RCHY1: variants seen among roughly 807,000 people sequenced by gnomAD.
RCHY1 encodes the protein ring finger and CHY zinc finger domain containing 1.
A neutral mutation model predicts 41.6 loss-of-function variants in RCHY1; 21 were observed. The observed-to-expected ratio is 0.51, with a 90% CI of 0.36 to 0.73. The LOEUF (loss-of-function observed/expected upper bound fraction) is 0.73. Among genes scored for constraint, RCHY1 ranks in the 30% least tolerant of loss-of-function variants. The pLI is 0.00. For synonymous variants in RCHY1, 79 were observed against 102.9 expected, an observed-to-expected ratio of 0.77 and a Z score of 1.41; for missense variants, 265 against 325.3, an observed-to-expected ratio of 0.81 and a Z score of 1.43.
intron 8 of RCHY1, among the ~76,000 whole-genome samples, chr4:75,489,361 G>T (rs978172027): frequency 3.3e-5 from 5 of 152,110 alleles, no homozygotes; most frequent in Non-Finnish European, 1.5e-5. Flanking sequence ...ATGCAAGAGG[G>T]TTAACTCTAT....
intron 4 of RCHY1, among the ~76,000 whole-genome samples, 199 bp downstream of exon 4, chr4:75,493,902 A>G (rs1189314280): frequency 6.6e-6 from 1 of 151,832 alleles, no homozygotes; most frequent in Non-Finnish European, 1.5e-5. Context: ...TACACTACAG[A>G]GAAGAAAAGG....
At chr4:75,491,523 T>C in intron 7 of RCHY1, 88 bp downstream of exon 7, 4 of 1,186,938 alleles carry the variant, frequency 3.4e-6, no homozygotes, top group East Asian at 2.4e-5. Flanking sequence ...CAATATAGTA[T>C]AAGTAACAAT....
intron 8 of RCHY1, among the ~76,000 whole-genome samples, chr4:75,490,201 C>G (rs1722620697): frequency 6.6e-6 from 1 of 151,980 alleles, no homozygotes; most frequent in Non-Finnish European, 1.5e-5. Flanking sequence ...CAAAAATCAG[C>G]AAATATGTTC....
At chr4:75,514,523 A>G (rs780776121), upstream of RCHY1, 98 of 499,408 alleles carry the variant, frequency 2.0e-4, no homozygotes, top group Non-Finnish European at 3.3e-4. Context: ...TGCTAACGGT[A>G]ATAACTCTTA....
chr4:75,505,739 A>G (rs1487919141), intron 3 of RCHY1, among the ~76,000 whole-genome samples: 1 of 152,214 alleles, frequency 6.6e-6, no homozygotes, highest in Admixed American at 6.5e-5. Context: ...TGAGAACTAG[A>G]AAAACTCAAT....
intron 8 of RCHY1, among the ~76,000 whole-genome samples, chr4:75,487,069 A>G (rs1722080524): frequency 6.6e-6 from 1 of 152,182 alleles, no homozygotes; most frequent in Non-Finnish European, 1.5e-5. Flanking sequence ...AGAACGTTCA[A>G]AAGAAAGAAT....
At chr4:75,502,670 G>A (rs1723896977) in intron 3 of RCHY1, among the ~76,000 whole-genome samples, 1 of 152,046 alleles carries the variant, frequency 6.6e-6, no homozygotes, top group South Asian at 2.1e-4. Context: ...ATACATTATG[G>A]AATCTTAATC....
At chr4:75,506,527 A>G (rs937982040) in intron 3 of RCHY1, among the ~76,000 whole-genome samples, 3 of 152,112 alleles carry the variant, frequency 2.0e-5, no homozygotes, top group East Asian at 3.8e-4. Context: ...AAATAAATAG[A>G]TAACTTGGTA....
chr4:75,483,483 TG>T, intron 8 of RCHY1, among the ~76,000 whole-genome samples: 1 of 152,260 alleles, frequency 6.6e-6, no homozygotes, highest in Non-Finnish European at 1.5e-5. Context: ...GTTTCCTTTT[TG>T]GGATGATAAA....
intron 8 of RCHY1, among the ~76,000 whole-genome samples, chr4:75,487,892 C>CAT (rs1722385988): frequency 1.4e-5 from 1 of 73,082 alleles, no homozygotes; most frequent in South Asian, 4.0e-4. Context: ...TATATATATT[C>CAT]ATATATATAT....
intron 3 of RCHY1, among the ~76,000 whole-genome samples, chr4:75,497,068 G>A (rs934827380): frequency 9.9e-5 from 15 of 152,074 alleles, no homozygotes; most frequent in African/African-American, 3.6e-4. Flanking sequence ...ATACACTGAT[G>A]AAACTAATGG....
chr4:75,500,916 G>C (rs1257312815), intron 3 of RCHY1, among the ~76,000 whole-genome samples: 1 of 152,020 alleles, frequency 6.6e-6, no homozygotes, highest in Non-Finnish European at 1.5e-5. Flanking sequence ...CAAATAACAT[G>C]ATTTTTTAAA....
chr4:75,506,423 G>A (rs74707283), intron 3 of RCHY1, among the ~76,000 whole-genome samples: 2 of 151,838 alleles, frequency 1.3e-5, no homozygotes, highest in Non-Finnish European at 2.9e-5. Flanking sequence ...TAAATCATCT[G>A]TGATCAATAC....
Position 75,509,242 on chromosome 4 carries a change from C to T in RCHY1, c.145G>A (p.Asp49Asn). ...ACTTTAAAGCGATCTAGTTGATGAT[C>T]TTCATTGTTATCATGACACAAGCGG... ...TCRLCHDNNE[D>N]HQLDRFKVKE... The change falls in exon 2 of 9, where the codon GAT becomes AAT. Residue 49 changes from aspartate (D) to asparagine (N), a missense_variant. Physicochemically the swap from Asp to Asn is conservative, Grantham distance 23. Transcript: ENST00000324439. The T allele has an allele frequency of 1.9e-6, 3 of 1,613,174 alleles. No homozygotes were observed. In the South Asian group the frequency reaches 3.3e-5, roughly 18 times the overall value.
At position 75,490,755 on chromosome 4, in the gene RCHY1, C is replaced by T. The variant is rs372499929; in HGVS notation, c.537-54G>A. Reference sequence around the variant, plus strand: ...AATATTAAACAAGAATATATTAATTCAGGTATACAAGAAGATGCAGGCTAA... The same window carrying T: ...AATATTAAACAAGAATATATTAATTTAGGTATACAAGAAGATGCAGGCTAA... On this transcript the variant is annotated intron_variant, in intron 7 of 8. Transcript: ENST00000324439. 582 of 1,431,804 alleles carry T rather than the reference C, an allele frequency of 4.1e-4. 4 individuals are homozygous for T. In the South Asian group the frequency reaches 6.8e-3, roughly 17 times the overall value. 88.7% of individuals were successfully genotyped at this position (1,431,804 alleles called of 1,614,324 possible). A position where few individuals can be genotyped will look rare whatever the true frequency, so the allele number is the denominator to read the frequency against.
chr4:75,513,021 C>T (rs1053717696), intron 1 of RCHY1, among the ~76,000 whole-genome samples: 1 of 151,950 alleles, frequency 6.6e-6, no homozygotes, highest in Non-Finnish European at 1.5e-5. Flanking sequence ...TGTTAAATTC[C>T]GTTTTAGACC....
intron 3 of RCHY1, 151 bp downstream of exon 3, chr4:75,508,669 G>C (rs572381519): frequency 2.1e-6 from 1 of 479,458 alleles, no homozygotes; most frequent in Non-Finnish European, 3.7e-6. Context: ...TAGTAAAAGA[G>C]ATACCGGTAT....
chr4:75,514,574 A>C (rs1725380910), upstream of RCHY1: 2 of 311,776 alleles, frequency 6.4e-6, no homozygotes, highest in Non-Finnish European at 6.0e-6. Flanking sequence ...CCCAAATCTC[A>C]GGGCGTAGTT....
intron 3 of RCHY1, among the ~76,000 whole-genome samples, chr4:75,498,551 A>G (rs1207413629): frequency 6.6e-6 from 1 of 151,994 alleles, no homozygotes; most frequent in East Asian, 1.9e-4. Context: ...CTACAAAGCT[A>G]TTGTAATCAA....
Sources: gnomAD v4.1 joint callset for allele counts (sites outside exome capture counted in the v4.1 genomes callset) on GRCh38, gnomAD v4.1.1 for gene constraint, MANE v1.5 for transcripts, NCBI Gene and HGNC (gene_info 2026-07-23, HGNC 2026-07-21) for gene names.